NXF1: variants seen among roughly 807,000 people sequenced by gnomAD.
NXF1 encodes the protein mRNA export factor TAP.
In NXF1, 43 loss-of-function variants were observed where a neutral mutation model predicts 92.4. That is an observed-to-expected ratio of 0.47 (90% confidence interval 0.36 to 0.60). The LOEUF (loss-of-function observed/expected upper bound fraction) is 0.60. Ranked by LOEUF, NXF1 falls within the 20% of genes least tolerant of loss-of-function variation. The pLI is 0.00. For missense variants in NXF1, 576 were observed against 793.0 expected, an observed-to-expected ratio of 0.73 and a Z score of 3.29; for synonymous variants, 288 against 292.2, an observed-to-expected ratio of 0.99 and a Z score of 0.15.
chr11:62,798,596 G>T, intron 10 of NXF1, 21 bp from the exon 11 acceptor site: 2 of 1,613,960 alleles, frequency 1.2e-6, no homozygotes, highest in Non-Finnish European at 1.7e-6. Flanking sequence ...CGGGACAGAA[G>T]TGAGTGATGC....
At chr11:62,798,926 C>T in intron 10 of NXF1, 1 of 1,089,306 alleles carries the variant, frequency 9.2e-7, no homozygotes, top group Non-Finnish European at 1.1e-6. Context: ...GGGGTGGGAG[C>T]CCAGGGGCTC....
chr11:62,792,852 T>A, intron 19 of NXF1, 151 bp from the exon 20 acceptor site: 1 of 647,662 alleles, frequency 1.5e-6, no homozygotes, highest in South Asian at 2.0e-5. Flanking sequence ...TTAGTAAAAG[T>A]CCAGATGTTC....
At chr11:62,799,155 GA>G in intron 10 of NXF1, 1 of 984,446 alleles carries the variant, frequency 1.0e-6, no homozygotes, top group Non-Finnish European at 1.2e-6. Context: ...GAGACAGACA[GA>G]AAAAGGAAAG....
chr11:62,799,268 C>T, intron 10 of NXF1: 3 of 985,612 alleles, frequency 3.0e-6, no homozygotes, highest in Non-Finnish European at 3.6e-6. Context: ...TTTCTTTCAG[C>T]TGCCCCATCC....
At chr11:62,796,436 C>T (rs1269095591) in intron 14 of NXF1, 24 bp downstream of exon 14, 3 of 1,612,854 alleles carry the variant, frequency 1.9e-6, no homozygotes, top group Non-Finnish European at 2.5e-6. Context: ...TGGTCCCGGG[C>T]AGATTCTGGG....
chr11:62,799,617 TGTGA>T, intron 10 of NXF1: 1 of 985,778 alleles, frequency 1.0e-6, no homozygotes, highest in Non-Finnish European at 1.2e-6. Flanking sequence ...ACGTGCAGTG[TGTGA>T]GTGAGGGAGA....
At chr11:62,799,141 A>G in intron 10 of NXF1, 2 of 982,008 alleles carry the variant, frequency 2.0e-6, no homozygotes, top group Non-Finnish European at 2.4e-6. Flanking sequence ...ATGGGGAGGT[A>G]TAGGAGACAG....
chr11:62,792,572 C>T, intron 20 of NXF1, 58 bp from the exon 21 acceptor site: 1 of 1,613,006 alleles, frequency 6.2e-7, no homozygotes, highest in Non-Finnish European at 8.5e-7. Flanking sequence ...AGCAACCCCA[C>T]TCAGCTAACC....
intron 20 of NXF1, 22 bp from the exon 21 acceptor site, chr11:62,792,536 TAGAGGTA>T (rs2084375691): frequency 6.2e-7 from 1 of 1,614,050 alleles, no homozygotes; most frequent in Non-Finnish European, 8.5e-7. Flanking sequence ...TGAAGGTCAG[TAGAGGTA>T]GGCCTACCCT....
Position 62,800,211 on chromosome 11 carries a change from G to A in NXF1, c.1016+166C>T, listed in dbSNP as rs1473133168. The A allele has an allele frequency of 3.5e-6, 5 of 1,429,832 alleles. No individual in the cohort carries two copies. The South Asian group carries it at 4.5e-5, about 13-fold the overall frequency. The allele number at this position is 1,429,832 out of a possible 1,614,324, so 88.6% of individuals were successfully genotyped here. ...AGAGAGAACATCTCAGGACAAAGCT[G>A]GAAGACACAGACAGACCAAAGTGGG... On this transcript the variant is annotated intron_variant, in intron 10 of 20. Transcript: ENST00000294172.
In NXF1 at chr11:62,802,184, G is replaced by A; in HGVS notation, c.446C>T (p.Pro149Leu). 6.2e-7 allele frequency: 1 copy of A among 1,614,102 alleles called. No individual in the cohort carries two copies. Among genetic ancestry groups the A allele is most frequent in the Non-Finnish European group, 8.5e-7 (1 of 1,179,928 alleles). Residue 149 changes from proline (P) to leucine (L), a missense_variant, in exon 4 of 21, where the codon CCT becomes CTT. Transcript: ENST00000294172. ...ACTCAGGCCTTGTCTTACCTCAATA[G>A]GGGTGAAGGGCACACTGCACTTGCT... is the stretch of plus-strand genomic sequence containing the variant. ...IQSKCSVPFT[P>L]IEFHYENTRA...
chr11:62,801,194 G>C lies in NXF1; in HGVS notation c.806C>G (p.Ser269Cys). ...CAGCCTGTTGTTGCTCAAGTTCAAG[G>C]ACAATAGCTGTGAGGAGAGAAGAGT... is the stretch of plus-strand genomic sequence containing the variant. ...IIEENIPELL[S>C]LNLSNNRLYR... Residue 269 changes from serine to cysteine, a missense_variant, in exon 9 of 21, where the codon TCC (serine) becomes TGC (cysteine). Transcript: ENST00000294172. The C allele has an allele frequency of 1.9e-6, 3 of 1,614,078 alleles. No individual in the cohort carries two copies. Among genetic ancestry groups the C allele is most frequent in the Non-Finnish European group, 2.5e-6 (3 of 1,179,940 alleles).
intron 11 of NXF1, among the ~76,000 whole-genome samples, chr11:62,797,597 TTGGGAGGCTGAAG>T (rs1305500571): frequency 6.6e-6 from 1 of 152,026 alleles, no homozygotes; most frequent in African/African-American, 2.4e-5. Flanking sequence ...TCCTAGCTAC[TTGGGAGGCTGAAG>T]TGGGAGGATC....
chr11:62,794,537 C>T (rs189044057), intron 18 of NXF1, 97 bp from the exon 19 acceptor site: 14 of 1,054,528 alleles, frequency 1.3e-5, no homozygotes, highest in African/African-American at 9.4e-5. Context: ...CACAAGGTCC[C>T]CCTCCCACTC....
In NXF1 at chr11:62,801,167, T is replaced by C; in HGVS notation, c.833A>G (p.Tyr278Cys). Reference sequence around the variant, plus strand: ...AATGCTAGACATGTCATCCAGCCTGTACAGCCTGTTGTTGCTCAAGTTCAA... The same window carrying C: ...AATGCTAGACATGTCATCCAGCCTGCACAGCCTGTTGTTGCTCAAGTTCAA... ...LSLNLSNNRL[Y>C]RLDDMSSIVQ... is the part of the protein sequence containing the mutation. The change falls in exon 9 of 21, where the codon TAC (tyrosine) becomes TGC (cysteine). Residue 278 changes from tyrosine (Y) to cysteine (C), a missense_variant. Coordinates refer to ENST00000294172, the MANE Select transcript of NXF1 (RefSeq NM_006362.5). 2 of 1,614,206 alleles carry C rather than the reference T, an allele frequency of 1.2e-6. No individual in the cohort carries two copies. Among genetic ancestry groups the C allele is most frequent in the Non-Finnish European group, 1.7e-6 (2 of 1,180,024 alleles).
At chr11:62,797,729 A>G (rs2084435668) in intron 11 of NXF1, among the ~76,000 whole-genome samples, 1 of 152,180 alleles carries the variant, frequency 6.6e-6, no homozygotes, top group Admixed American at 6.6e-5. Context: ...AACAAAAAAG[A>G]AAGTTGACAG....
chr11:62,794,737 G>C (rs1590949188), intron 18 of NXF1, 198 bp downstream of exon 18: 1 of 600,610 alleles, frequency 1.7e-6, no homozygotes, highest in East Asian at 2.8e-5. Flanking sequence ...CTTGCTAGAA[G>C]TGGTGGAGCC....
At chr11:62,803,631 T>C in intron 2 of NXF1, 59 bp from the exon 3 acceptor site, 1 of 1,598,048 alleles carries the variant, frequency 6.3e-7, no homozygotes, top group Non-Finnish European at 8.6e-7. Flanking sequence ...CTCAAAGGCC[T>C]TCCTGCACTG....
At chr11:62,799,808 A>G in intron 10 of NXF1, 1 of 986,168 alleles carries the variant, frequency 1.0e-6, no homozygotes, top group South Asian at 4.7e-5. Flanking sequence ...AGCACTGGGC[A>G]AGAGAGACAG....
Sources: allele counts gnomAD v4.1 joint callset (sites outside exome capture counted in the v4.1 genomes callset), GRCh38; gene constraint gnomAD v4.1.1; transcripts MANE v1.5; gene names NCBI Gene and HGNC (gene_info 2026-07-23, HGNC 2026-07-21).